The following IL1RAPL2 variants were observed in gnomAD, a reference collection of about 807,000 sequenced individuals.
The protein encoded by IL1RAPL2 is X-linked interleukin-1 receptor accessory protein-like 2.
IL1RAPL2 carries 3 observed loss-of-function variants against 44.1 expected under a neutral mutation model. That is an observed-to-expected ratio of 0.07 (90% CI 0.03 to 0.18). The LOEUF (loss-of-function observed/expected upper bound fraction) is 0.18, where lower values mean the gene tolerates loss of function less well. Among genes scored for constraint, IL1RAPL2 ranks in the 10% least tolerant of loss-of-function variants. The pLI is 1.00. For synonymous variants in IL1RAPL2, 181 were observed against 178.8 expected (o/e 1.01, Z -0.10); for missense variants, 391 against 496.4 (o/e 0.79, Z 2.02).
At chrX:104,992,660 A>G (rs1325335401) in intron 2 of IL1RAPL2, among the ~76,000 whole-genome samples, 1 of 110,952 alleles carries the variant, frequency 9.0e-6, no homozygotes, top group South Asian at 3.9e-4. Flanking sequence ...CAGCAATGTT[A>G]TTAGGGAAAA....
intron 2 of IL1RAPL2, among the ~76,000 whole-genome samples, chrX:104,906,087 A>G (rs1355018699): frequency 7.3e-5 from 8 of 109,194 alleles, no homozygotes; most frequent in African/African-American, 2.3e-4. Flanking sequence ...GAGTTCACTC[A>G]TGATTTGGCT....
chrX:104,842,568 G>T (rs988087847), intron 2 of IL1RAPL2, among the ~76,000 whole-genome samples: 4 of 112,246 alleles, frequency 3.6e-5, no homozygotes, highest in African/African-American at 1.3e-4. Flanking sequence ...TTTGGATGCG[G>T]TATTTGTGGG....
At chrX:105,423,634 G>A (rs1424212931) in intron 5 of IL1RAPL2, among the ~76,000 whole-genome samples, 1 of 111,453 alleles carries the variant, frequency 9.0e-6, no homozygotes, top group East Asian at 2.8e-4. Flanking sequence ...CTAATGGTAA[G>A]GAGAAATTAA....
intron 1 of IL1RAPL2, among the ~76,000 whole-genome samples, chrX:104,643,344 G>A (rs1433782004): frequency 9.0e-6 from 1 of 111,593 alleles, no homozygotes; most frequent in Non-Finnish European, 1.9e-5. Flanking sequence ...AGATATCCAG[G>A]CTAGTAATCG....
chrX:104,813,452 G>T (rs1921049000), intron 2 of IL1RAPL2, among the ~76,000 whole-genome samples: 1 of 111,186 alleles, frequency 9.0e-6, no homozygotes, highest in South Asian at 3.9e-4. Flanking sequence ...GCAAGTTTAT[G>T]AATATTGTTA....
At chrX:104,620,435 C>A (rs1316384024) in intron 1 of IL1RAPL2, among the ~76,000 whole-genome samples, 1 of 106,933 alleles carries the variant, frequency 9.4e-6, no homozygotes, top group African/African-American at 3.4e-5. Flanking sequence ...GTCAGGAGAT[C>A]GAGACCATCC....
At chrX:104,616,710 C>A (rs989637310) in intron 1 of IL1RAPL2, among the ~76,000 whole-genome samples, 2 of 111,635 alleles carry the variant, frequency 1.8e-5, no homozygotes, top group African/African-American at 6.5e-5. Flanking sequence ...AAGATAGCTT[C>A]GACTCCCTGT....
intron 8 of IL1RAPL2, among the ~76,000 whole-genome samples, chrX:105,745,815 C>T (rs1057169973): frequency 9.0e-6 from 1 of 111,260 alleles, no homozygotes; most frequent in Non-Finnish European, 1.9e-5. Flanking sequence ...TCCAGAGTAG[C>T]TGGGACTACA....
chrX:105,093,213 A>C (rs995095294), intron 2 of IL1RAPL2, among the ~76,000 whole-genome samples: 2 of 109,619 alleles, frequency 1.8e-5, no homozygotes, highest in Non-Finnish European at 3.8e-5. Context: ...ACACACACAC[A>C]CCTCAACTCA....
At chrX:105,046,381 G>C (rs2031837103) in intron 2 of IL1RAPL2, among the ~76,000 whole-genome samples, 1 of 111,512 alleles carries the variant, frequency 9.0e-6, no homozygotes, top group Admixed American at 9.6e-5. Context: ...TCTGCTTTCT[G>C]ATCAGAATTT....
chrX:105,437,972 G>T (rs753864697), intron 5 of IL1RAPL2, among the ~76,000 whole-genome samples: 14 of 111,944 alleles, frequency 1.3e-4, no homozygotes, highest in Non-Finnish European at 2.4e-4. Flanking sequence ...TATCAGAGAT[G>T]CCAGTCAAGC....
chrX:105,524,409 G>A (rs1212682548), intron 6 of IL1RAPL2, among the ~76,000 whole-genome samples: 2 of 110,154 alleles, frequency 1.8e-5, no homozygotes, highest in Admixed American at 2.0e-4. Context: ...AATTTGTGAC[G>A]ACTCATATTA....
intron 2 of IL1RAPL2, among the ~76,000 whole-genome samples, chrX:105,042,046 C>A (rs2031752387): frequency 9.0e-6 from 1 of 111,158 alleles, no homozygotes; most frequent in Non-Finnish European, 1.9e-5. Flanking sequence ...GAAACTGGAT[C>A]CCTTCCTTAC....
intron 2 of IL1RAPL2, among the ~76,000 whole-genome samples, chrX:105,012,639 TCTCTCTCA>T (rs1313567923): frequency 7.9e-5 from 5 of 63,553 alleles, no homozygotes; most frequent in Admixed American, 3.3e-4. Context: ...TCTCTCTCTC[TCTCTCTCA>T]CACACACACA....
chrX:104,943,559 G>T lies in IL1RAPL2; in HGVS notation c.83-251916G>T, dbSNP rs1925257479. ...TTTCAGGCATGCTAACCCCGTTAGG[G>T]CTTTTATATTGTTTCCCCTACCTGG... On this transcript the variant is annotated intron_variant, in intron 2 of 10. Coordinates refer to ENST00000372582, the MANE Select transcript of IL1RAPL2 (RefSeq NM_017416.2). Among the ~76,000 whole-genome samples, 6 of 111,162 alleles carry T rather than the reference G, an allele frequency of 5.4e-5. No homozygotes were observed. The Admixed American group carries it at 5.8e-4, about 11-fold the overall frequency.
chrX:105,767,608 T>C lies in IL1RAPL2; in HGVS notation c.2008T>C (p.Ser670Pro), dbSNP rs1392194748. ...KDTQEFHRNS[S>P]LLPLSSKELS... ...TACCCAGGAATTTCACAGGAACAGT[T>C]CTTTGCTGCCTTTATCCTCCAAAGA... is the stretch of plus-strand genomic sequence containing the variant. Residue 670 changes from serine (S) to proline (P), a missense_variant, in exon 11 of 11, where the codon TCT becomes CCT. Ser to Pro is a moderately conservative substitution (Grantham distance 74, BLOSUM62 -1). This residue lies in a region of IL1RAPL2 where 232 missense variants were observed against 244.8 expected (regional missense o/e 0.95). Transcript: ENST00000372582. 2 of 1,211,120 alleles carry C rather than the reference T, an allele frequency of 1.7e-6. No individual in the cohort carries two copies.
At chrX:104,765,359 A>G (rs1932537370) in intron 2 of IL1RAPL2, among the ~76,000 whole-genome samples, 1 of 111,655 alleles carries the variant, frequency 9.0e-6, no homozygotes, top group African/African-American at 3.3e-5. Flanking sequence ...AAACGTTTGA[A>G]TCTTCTATAT....
At chrX:104,583,078 G>C (rs1928443510) in intron 1 of IL1RAPL2, among the ~76,000 whole-genome samples, 1 of 107,204 alleles carries the variant, frequency 9.3e-6, no homozygotes. Context: ...AGTAGAGTCG[G>C]GGTTTCACCA....
chrX:104,597,085 T>C (rs1298477208), intron 1 of IL1RAPL2, among the ~76,000 whole-genome samples: 1 of 111,368 alleles, frequency 9.0e-6, no homozygotes, highest in Admixed American at 9.6e-5. Flanking sequence ...CCTGCAATCC[T>C]GTAATCCTAG....
Sources: allele counts gnomAD v4.1 joint callset (sites outside exome capture counted in the v4.1 genomes callset), GRCh38; gene constraint gnomAD v4.1.1; regional missense constraint gnomAD v4.1.1; transcripts MANE v1.5; gene names NCBI Gene and HGNC (gene_info 2026-07-23, HGNC 2026-07-21).